KIDINS220: variants seen among roughly 807,000 people sequenced by gnomAD.
The protein encoded by KIDINS220 is kinase D interacting substrate 220, also known as kinase D-interacting substrate of 220 kDa.
A neutral mutation model predicts 157.6 loss-of-function variants in KIDINS220; 63 were observed. The observed-to-expected ratio is 0.40, with a 90% confidence interval of 0.33 to 0.49. The LOEUF is 0.49. Among genes scored for constraint, KIDINS220 ranks in the 20% least tolerant of loss-of-function variants. The pLI is 0.66. For missense variants in KIDINS220, 1,772 were observed against 2,171.2 expected (o/e 0.82, Z 3.65); for synonymous variants, 732 against 783.6 (o/e 0.93, Z 1.10).
intron 22 of KIDINS220, chr2:8,757,319 AT>A: frequency 9.7e-7 from 1 of 1,031,948 alleles, no homozygotes; most frequent in Non-Finnish European, 1.2e-6. Context: ...ATAGAACACA[AT>A]TGGCTCAATC....
chr2:8,760,842 T>C (rs1414465638), intron 22 of KIDINS220, among the ~76,000 whole-genome samples: 1 of 152,120 alleles, frequency 6.6e-6, no homozygotes, highest in Non-Finnish European at 1.5e-5. Context: ...CCACTGGGAG[T>C]ACAAGTCTAA....
At chr2:8,792,215 CAATGT>C (rs1558433250) in intron 12 of KIDINS220, among the ~76,000 whole-genome samples, 1 of 152,058 alleles carries the variant, frequency 6.6e-6, no homozygotes, top group African/African-American at 2.4e-5. Flanking sequence ...CTTTCTTTTG[CAATGT>C]AATACTAAGG....
chr2:8,777,878 C>T (rs1021732697), intron 20 of KIDINS220, among the ~76,000 whole-genome samples: 1 of 152,176 alleles, frequency 6.6e-6, no homozygotes, highest in African/African-American at 2.4e-5. Context: ...AACTGTCATT[C>T]ATCATATTAA....
downstream of KIDINS220, chr2:8,725,005 T>C (rs1661631541): frequency 6.6e-6 from 1 of 152,124 alleles, no homozygotes; most frequent in African/African-American, 2.4e-5. Flanking sequence ...CGAGGCTCTT[T>C]CCCAATCTAT....
intron 11 of KIDINS220, among the ~76,000 whole-genome samples, chr2:8,794,521 T>C (rs1372166409): frequency 2.0e-5 from 3 of 152,192 alleles, no homozygotes; most frequent in African/African-American, 4.8e-5. Flanking sequence ...CTCTACATTC[T>C]CCACCTGAGT....
chr2:8,741,882 C>G (rs1186821901), intron 26 of KIDINS220, among the ~76,000 whole-genome samples: 1 of 152,118 alleles, frequency 6.6e-6, no homozygotes, highest in East Asian at 1.9e-4. Flanking sequence ...TAGTACAAAT[C>G]CACTTCTAAG....
intron 22 of KIDINS220, among the ~76,000 whole-genome samples, chr2:8,764,628 C>A (rs1330313149): frequency 6.6e-6 from 1 of 152,148 alleles, no homozygotes; most frequent in African/African-American, 2.4e-5. Flanking sequence ...GTGTCCGGCC[C>A]AGGGATATAC....
At chr2:8,771,176 A>G (rs975252240) in intron 21 of KIDINS220, among the ~76,000 whole-genome samples, 7 of 152,140 alleles carry the variant, frequency 4.6e-5, no homozygotes, top group Non-Finnish European at 1.0e-4. Flanking sequence ...ACATCCATTC[A>G]CCCACAATGG....
intron 23 of KIDINS220, 115 bp from the exon 24 acceptor site, chr2:8,750,450 C>G: frequency 3.2e-6 from 2 of 631,598 alleles, no homozygotes; most frequent in Non-Finnish European, 2.3e-6. Flanking sequence ...TCACTCTTGC[C>G]ACGGATTCCA....
intron 22 of KIDINS220, among the ~76,000 whole-genome samples, chr2:8,761,740 G>A (rs1668768861): frequency 6.6e-6 from 1 of 152,118 alleles, no homozygotes; most frequent in Non-Finnish European, 1.5e-5. Context: ...AATAATGTTT[G>A]TAGTGAAATG....
Position 8,770,693 on chromosome 2 carries a change from C to T in KIDINS220, c.2988G>A (p.Met996Ile). 7 of 1,597,840 alleles carry T rather than the reference C, an allele frequency of 4.4e-6. No homozygotes were observed. Among genetic ancestry groups the T allele is most frequent in the Non-Finnish European group, 5.1e-6 (6 of 1,172,208 alleles). Residue 996 changes from methionine (M) to isoleucine (I), a missense_variant, in exon 22 of 30, where the codon ATG becomes ATA. Around this residue, in one of 3 missense-constraint regions of KIDINS220, gnomAD observed 725 missense variants for 1,017.1 expected, o/e 0.71. Coordinates refer to ENST00000256707, the MANE Select transcript of KIDINS220 (RefSeq NM_020738.4). ...LEETEGIPDQ[M>I]TLKTIYERIS... is the part of the protein sequence containing the mutation. ...ACCTTTCGTAGATGGTTTTTAATGT[C>T]ATTTGATCTGGAATACCTTCAGTCT...
intron 26 of KIDINS220, among the ~76,000 whole-genome samples, chr2:8,743,106 C>T (rs1168132828): frequency 6.6e-6 from 1 of 152,148 alleles, no homozygotes; most frequent in African/African-American, 2.4e-5. Flanking sequence ...CTGCCATTTC[C>T]TAGTGGGAAC....
At chr2:8,790,852 G>A (rs1673085682) in intron 13 of KIDINS220, among the ~76,000 whole-genome samples, 1 of 152,168 alleles carries the variant, frequency 6.6e-6, no homozygotes, top group African/African-American at 2.4e-5. Flanking sequence ...GCCAGCAAGG[G>A]TTTTATGTGG....
intron 23 of KIDINS220, among the ~76,000 whole-genome samples, chr2:8,750,783 T>A (rs1667235888): frequency 6.6e-6 from 1 of 152,186 alleles, no homozygotes; most frequent in African/African-American, 2.4e-5. Flanking sequence ...CACAGCCATG[T>A]AATACCCTTT....
chr2:8,801,327 T>G (rs1356606519), intron 8 of KIDINS220, among the ~76,000 whole-genome samples: 1 of 152,176 alleles, frequency 6.6e-6, no homozygotes, highest in Non-Finnish European at 1.5e-5. Context: ...TGCAGGTCCT[T>G]AAGGGTTATT....
intron 12 of KIDINS220, 143 bp downstream of exon 12, chr2:8,793,667 G>T: frequency 1.5e-6 from 1 of 659,348 alleles, no homozygotes. Flanking sequence ...TCAAACTCCT[G>T]GGGTCAAGCA....
At chr2:8,833,479 CTTTT>C (rs34083774) in intron 1 of KIDINS220, among the ~76,000 whole-genome samples, 37 of 129,108 alleles carry the variant, frequency 2.9e-4, no homozygotes, top group African/African-American at 8.7e-4. Context: ...TTAAATTTGT[CTTTT>C]TTTTTTTTTT....
intron 22 of KIDINS220, among the ~76,000 whole-genome samples, chr2:8,765,770 C>G (rs1463329284): frequency 6.6e-6 from 1 of 152,098 alleles, no homozygotes; most frequent in Non-Finnish European, 1.5e-5. Flanking sequence ...CAGGCACAGT[C>G]ATGGCACGCT....
chr2:8,749,947 A>G (rs1470401611), intron 24 of KIDINS220, among the ~76,000 whole-genome samples, 165 bp downstream of exon 24: 2 of 152,200 alleles, frequency 1.3e-5, no homozygotes, highest in Admixed American at 6.5e-5. Context: ...AAAATTCTAA[A>G]TTATTTTGAT....
Sources: gnomAD v4.1 joint callset for allele counts (sites outside exome capture counted in the v4.1 genomes callset) on GRCh38, gnomAD v4.1.1 for gene constraint, gnomAD v4.1.1 regional missense constraint, MANE v1.5 for transcripts, NCBI Gene and HGNC (gene_info 2026-07-23, HGNC 2026-07-21) for gene names.